Variants in PDE4D observed in about 807,000 individuals in gnomAD.
The protein encoded by PDE4D is phosphodiesterase 4D, also known as 3',5'-cyclic-AMP phosphodiesterase 4D.
A neutral mutation model predicts 87.4 loss-of-function variants in PDE4D; 24 were observed. The ratio of observed to expected loss-of-function variants is 0.27; its 90% CI spans 0.20 to 0.39. The LOEUF is 0.39. Ranked by LOEUF, PDE4D falls within the 10% of genes least tolerant of loss-of-function variation. PDE4D has a pLI of 1.00. For synonymous variants in PDE4D, 384 were observed against 383.2 expected (o/e 1.00, Z -0.02); for missense variants, 714 against 1,041.0 (o/e 0.69, Z 4.32).
chr5:59,354,637 C>T lies in PDE4D; in HGVS notation c.456-138669G>A, dbSNP rs1457616813. On this transcript the variant is annotated intron_variant, in intron 1 of 14. Coordinates refer to ENST00000340635, the MANE Select transcript of PDE4D (RefSeq NM_001104631.2). ...ATTGTCGTGGCTGAATGCGTAATCT[C>T]CTTTGGATACATGAGGGACCTGCAG... is the stretch of plus-strand genomic sequence containing the variant. 1.3e-5 allele frequency among the ~76,000 whole-genome samples: 2 copies of T among 152,090 alleles called. 1 individual carries two copies. Among genetic ancestry groups the T allele is most frequent in the Non-Finnish European group, 2.9e-5 (2 of 68,020 alleles).
chr5:60,158,244 C>T (rs904398610), intron 2 of PDE4D, among the ~76,000 whole-genome samples: 1 of 152,148 alleles, frequency 6.6e-6, no homozygotes, highest in African/African-American at 2.4e-5. Flanking sequence ...CACACACACA[C>T]CTAGACTATA....
chr5:59,318,621 A>G (rs1338866743), intron 1 of PDE4D, among the ~76,000 whole-genome samples: 1 of 152,214 alleles, frequency 6.6e-6, no homozygotes, highest in Non-Finnish European at 1.5e-5. Context: ...AGACCACAAT[A>G]GTACATTTAT....
intron 1 of PDE4D, among the ~76,000 whole-genome samples, chr5:59,785,640 C>G (rs1223161358): frequency 6.6e-6 from 1 of 152,202 alleles, no homozygotes; most frequent in South Asian, 2.1e-4. Context: ...GTTTTAAGAA[C>G]CACCTCTAGA....
At chr5:60,135,381 A>C (rs1779949080) in intron 2 of PDE4D, among the ~76,000 whole-genome samples, 1 of 152,230 alleles carries the variant, frequency 6.6e-6, no homozygotes, top group East Asian at 1.9e-4. Flanking sequence ...TCTAATTGCC[A>C]GATGTCTTTC....
At chr5:59,360,669 C>T (rs1199282787) in intron 1 of PDE4D, among the ~76,000 whole-genome samples, 1 of 152,000 alleles carries the variant, frequency 6.6e-6, no homozygotes, top group Non-Finnish European at 1.5e-5. Flanking sequence ...AAAATAATAC[C>T]AAAATTTTCT....
chr5:59,869,669 C>T (rs927984759), intron 1 of PDE4D, among the ~76,000 whole-genome samples: 2 of 152,056 alleles, frequency 1.3e-5, no homozygotes, highest in African/African-American at 4.8e-5. Context: ...GAAAGTGAAC[C>T]TCACCACCTG....
chr5:59,717,817 A>G (rs1755240656), intron 1 of PDE4D, among the ~76,000 whole-genome samples: 3 of 152,198 alleles, frequency 2.0e-5, no homozygotes. Context: ...TGTCCTAAAC[A>G]CTATACATAT....
intron 1 of PDE4D, among the ~76,000 whole-genome samples, chr5:59,650,622 TA>T (rs971411254): frequency 3.7e-4 from 57 of 152,138 alleles, no homozygotes; most frequent in Admixed American, 8.5e-4. Flanking sequence ...CAAGTCTTAT[TA>T]AAAAAAATAA....
chr5:59,892,833 G>A (rs1751154807), intron 1 of PDE4D, among the ~76,000 whole-genome samples: 1 of 151,800 alleles, frequency 6.6e-6, no homozygotes, highest in Non-Finnish European at 1.5e-5. Flanking sequence ...ACTAGCCAGG[G>A]TGGTATGGAA....
intron 2 of PDE4D, among the ~76,000 whole-genome samples, chr5:60,041,388 T>C (rs572117747): frequency 6.6e-6 from 1 of 152,334 alleles, no homozygotes; most frequent in Admixed American, 6.5e-5. Context: ...AAACAATAGC[T>C]AATTCTTTAA....
intron 1 of PDE4D, among the ~76,000 whole-genome samples, chr5:60,301,034 G>A (rs892791561): frequency 1.3e-5 from 2 of 152,166 alleles, no homozygotes; most frequent in African/African-American, 4.8e-5. Context: ...CTCCCAAAAT[G>A]CTGGGGTTAC....
At chr5:59,254,938 T>C (rs897145922) in intron 1 of PDE4D, among the ~76,000 whole-genome samples, 7 of 152,148 alleles carry the variant, frequency 4.6e-5, no homozygotes, top group African/African-American at 1.7e-4. Context: ...ACATCAATAA[T>C]GATGCAGCCA....
At chr5:59,810,450 C>A (rs892219845) in intron 1 of PDE4D, among the ~76,000 whole-genome samples, 1 of 152,124 alleles carries the variant, frequency 6.6e-6, no homozygotes, top group African/African-American at 2.4e-5. Flanking sequence ...AAGTGCTGCA[C>A]CGATATTTTA....
At chr5:59,710,872 T>C (rs961659505) in intron 1 of PDE4D, among the ~76,000 whole-genome samples, 9 of 152,116 alleles carry the variant, frequency 5.9e-5, no homozygotes, top group African/African-American at 2.2e-4. Context: ...AGGCATACGG[T>C]AGGAATTTTA....
intron 1 of PDE4D, among the ~76,000 whole-genome samples, chr5:59,229,923 C>A (rs531362694): frequency 6.6e-6 from 1 of 152,126 alleles, no homozygotes; most frequent in Non-Finnish European, 1.5e-5. Flanking sequence ...CTCAGGCCCC[C>A]GAGTAGCTGG....
Position 60,172,145 on chromosome 5 carries a change from T to C in PDE4D, c.42+13412A>G, listed in dbSNP as rs557892500. 2.0e-3 allele frequency among the ~76,000 whole-genome samples: 299 copies of C among 147,434 alleles called. 1 individual carries two copies. Among genetic ancestry groups the C allele is most frequent in the African/African-American group, 6.9e-3 (281 of 40,578 alleles). ...ATATATATAATATAATATATATATA[T>C]ACACACACATGTTGGCATTTGGTGA... On this transcript the variant is annotated intron_variant, in intron 2 of 16. Transcript: ENST00000502484.
chr5:60,292,511 T>C (rs34114616), intron 1 of PDE4D, among the ~76,000 whole-genome samples: 25,110 of 152,134 alleles, frequency 0.17, 2,404 homozygotes, highest in South Asian at 0.3. Context: ...TCTGAAACAA[T>C]ATAAAACACA....
intron 2 of PDE4D, among the ~76,000 whole-genome samples, chr5:60,132,540 T>G (rs1779674516): frequency 6.6e-6 from 1 of 152,176 alleles, no homozygotes; most frequent in Non-Finnish European, 1.5e-5. Flanking sequence ...TTATTTGGTG[T>G]AAGTAGTGAT....
At chr5:60,483,290 A>G (rs1489449011) in intron 1 of PDE4D, among the ~76,000 whole-genome samples, 1 of 152,154 alleles carries the variant, frequency 6.6e-6, no homozygotes, top group Non-Finnish European at 1.5e-5. Flanking sequence ...CAGCATCCCA[A>G]GTAGCTGGGA....
Sources: allele counts gnomAD v4.1 joint callset (sites outside exome capture counted in the v4.1 genomes callset), GRCh38; gene constraint gnomAD v4.1.1; transcripts MANE v1.5; gene names NCBI Gene and HGNC (gene_info 2026-07-23, HGNC 2026-07-21).